Variants in RP2 observed in about 807,000 individuals in gnomAD.
The protein encoded by RP2 is RP2 activator of ARL3 GTPase.
RP2 carries 3 observed loss-of-function variants against 20.3 expected under a neutral mutation model. That is an observed-to-expected ratio of 0.15 (90% confidence interval 0.07 to 0.38). The LOEUF (loss-of-function observed/expected upper bound fraction) is 0.38, where lower values mean the gene tolerates loss of function less well. Ranked by LOEUF, RP2 falls within the 10% of genes least tolerant of loss-of-function variation. The pLI is 1.00. For missense variants in RP2, 233 were observed against 268.5 expected (o/e 0.87, Z 0.92); for synonymous variants, 75 against 94.8 (o/e 0.79, Z 1.22).
intron 2 of RP2, among the ~76,000 whole-genome samples, chrX:46,855,719 G>A (rs374866899): frequency 1.1e-4 from 12 of 109,884 alleles, no homozygotes; most frequent in Non-Finnish European, 2.1e-4. Context: ...CACCCGCCTC[G>A]GCCTCCCAAA....
intron 3 of RP2, among the ~76,000 whole-genome samples, chrX:46,863,806 T>C (rs1556321258): frequency 1.8e-5 from 2 of 111,581 alleles, no homozygotes; most frequent in African/African-American, 6.5e-5. Flanking sequence ...CTAAGGGTGG[T>C]CTTATTTATT....
chrX:46,838,696 T>C (rs922742450), intron 1 of RP2, among the ~76,000 whole-genome samples: 1 of 112,692 alleles, frequency 8.9e-6, no homozygotes, highest in Non-Finnish European at 1.9e-5. Flanking sequence ...TTTATTAACA[T>C]AATATTCAGG....
intron 2 of RP2, among the ~76,000 whole-genome samples, chrX:46,857,154 A>C (rs1298594781): frequency 2.7e-5 from 3 of 109,221 alleles, no homozygotes; most frequent in African/African-American, 1.0e-4. Context: ...TTTTTTTCGC[A>C]ATAGGAAGTA....
intron 3 of RP2, among the ~76,000 whole-genome samples, chrX:46,867,425 T>C (rs1046006840): frequency 2.7e-5 from 3 of 112,961 alleles, no homozygotes; most frequent in Non-Finnish European, 5.6e-5. Context: ...TATTGCTGAA[T>C]AGTATTCCTT....
At chrX:46,879,081 A>AC (rs1225182558) in intron 4 of RP2, among the ~76,000 whole-genome samples, 2 of 100,160 alleles carry the variant, frequency 2.0e-5, no homozygotes, top group African/African-American at 7.2e-5. Context: ...AAAAAAAAAA[A>AC]AAAAAAAAAC....
intron 3 of RP2, among the ~76,000 whole-genome samples, chrX:46,876,740 T>C (rs373475893): frequency 6.7e-4 from 75 of 112,162 alleles, no homozygotes; most frequent in African/African-American, 2.3e-3. Flanking sequence ...TAGTGTTTCA[T>C]ATTCATTCAC....
intron 3 of RP2, among the ~76,000 whole-genome samples, chrX:46,868,882 G>A (rs1275498478): frequency 9.1e-6 from 1 of 110,049 alleles, no homozygotes; most frequent in Non-Finnish European, 1.9e-5. Context: ...GATCACTTGA[G>A]CCCAGGAGTT....
At chrX:46,853,267 A>G (rs960268877) in intron 1 of RP2, among the ~76,000 whole-genome samples, 2 of 111,290 alleles carry the variant, frequency 1.8e-5, no homozygotes, top group Non-Finnish European at 3.8e-5. Context: ...GTCTTCTGGG[A>G]GGTGTGTATG....
At chrX:46,851,011 A>G (rs942842430) in intron 1 of RP2, among the ~76,000 whole-genome samples, 7 of 111,847 alleles carry the variant, frequency 6.3e-5, no homozygotes, top group Non-Finnish European at 1.1e-4. Context: ...ATTGCCTCAT[A>G]CTGCAGACCA....
chrX:46,874,952 T>G (rs887394113), intron 3 of RP2, among the ~76,000 whole-genome samples: 2 of 111,838 alleles, frequency 1.8e-5, no homozygotes, highest in Non-Finnish European at 3.8e-5. Flanking sequence ...TGAGGTTGTT[T>G]AATTCGTTCC....
chrX:46,862,614 C>T (rs782300528), intron 3 of RP2, among the ~76,000 whole-genome samples: 8 of 108,582 alleles, frequency 7.4e-5, no homozygotes, highest in Middle Eastern at 5.0e-3. Flanking sequence ...GAGCCAAGAT[C>T]GCGCCACTGC....
rs201111874 is a variant in RP2 at position 46,853,500 on chromosome X, A to G, written c.127A>G (p.Ser43Gly). Residue 43 changes from serine to glycine, a missense_variant, in exon 2 of 5, where the codon AGT becomes GGT. This residue lies in a region of RP2 where 77 missense variants were observed against 71.8 expected (regional missense o/e 1.07). Coordinates refer to ENST00000218340, the MANE Select transcript of RP2 (RefSeq NM_006915.3). Reference protein sequence around the residue: ...EKVDPKDYMFSGLKDETVGRL... With the variant: ...EKVDPKDYMFGGLKDETVGRL... ...GGTTGATCCAAAAGACTACATGTTCAGTGGACTGAAGGATGAAACAGTAGG... is the reference window on the plus strand; with the variant it reads ...GGTTGATCCAAAAGACTACATGTTCGGTGGACTGAAGGATGAAACAGTAGG... 6 of 1,208,602 alleles carry G rather than the reference A, an allele frequency of 5.0e-6. No homozygotes were observed. The East Asian group carries it at 1.8e-4, about 36-fold the overall frequency.
chrX:46,854,468 A>G (rs1444296719), intron 2 of RP2, among the ~76,000 whole-genome samples: 1 of 112,373 alleles, frequency 8.9e-6, no homozygotes, highest in Non-Finnish European at 1.9e-5. Context: ...TTAAGCACCT[A>G]TTATGTGCTA....
Position 46,841,164 on chromosome X carries a change from T to C in RP2, c.102+3962T>C, listed in dbSNP as rs1184806740. Among the ~76,000 whole-genome samples, 3 of 111,683 alleles carry C rather than the reference T, an allele frequency of 2.7e-5. No individual in the cohort carries two copies. In the Admixed American group the frequency reaches 2.9e-4, roughly 11 times the overall value. On this transcript the variant is annotated intron_variant, in intron 1 of 4. Coordinates refer to ENST00000218340, the MANE Select transcript of RP2 (RefSeq NM_006915.3). ...ATAAGGCAGATCATAATTCCCAGGA[T>C]TGGTCATCAGTGGAAGGGGTGGCTT... is the stretch of plus-strand genomic sequence containing the variant.
At chrX:46,869,846 T>C (rs1556325477) in intron 3 of RP2, among the ~76,000 whole-genome samples, 1 of 110,348 alleles carries the variant, frequency 9.1e-6, no homozygotes, top group Non-Finnish European at 1.9e-5. Context: ...TGACCTCAGG[T>C]GATCCGCCTG....
chrX:46,872,722 T>TTTTG (rs367642575), intron 3 of RP2, among the ~76,000 whole-genome samples: 64 of 111,628 alleles, frequency 5.7e-4, no homozygotes, highest in African/African-American at 1.7e-3. Flanking sequence ...TCTGGTGTTT[T>TTTTG]TTTGTTTGTT....
At chrX:46,851,292 G>T (rs1924854466) in intron 1 of RP2, among the ~76,000 whole-genome samples, 1 of 111,134 alleles carries the variant, frequency 9.0e-6, no homozygotes, top group African/African-American at 3.3e-5. Context: ...ATTTTGATAG[G>T]TCAGGTAAAA....
At chrX:46,847,694 G>GTGTGTGTGTATATATACACACATATA (rs1556316550) in intron 1 of RP2, among the ~76,000 whole-genome samples, 2 of 89,641 alleles carry the variant, frequency 2.2e-5, no homozygotes, top group South Asian at 5.1e-4. Flanking sequence ...CTATATATAT[G>GTGTGTGTGTATATATACACACATATA]TGTGTGTGTA....
At chrX:46,847,787 C>T (rs199962130) in intron 1 of RP2, among the ~76,000 whole-genome samples, 14 of 82,650 alleles carry the variant, frequency 1.7e-4, no homozygotes, top group African/African-American at 7.5e-4. Flanking sequence ...TACATACACA[C>T]ATGTGTGTGT....
Sources: allele counts gnomAD v4.1 joint callset (sites outside exome capture counted in the v4.1 genomes callset), GRCh38; gene constraint gnomAD v4.1.1; regional missense constraint gnomAD v4.1.1; transcripts MANE v1.5; gene names NCBI Gene and HGNC (gene_info 2026-07-23, HGNC 2026-07-21).